TSFM: variants seen among roughly 807,000 people sequenced by gnomAD.
TSFM encodes the protein elongation factor Ts, mitochondrial.
A neutral mutation model predicts 33.4 loss-of-function variants in TSFM; 29 were observed. The ratio of observed to expected loss-of-function variants is 0.87; its 90% CI spans 0.65 to 1.18. The LOEUF is 1.18. Among genes scored for constraint, TSFM ranks in the 50% most tolerant of loss-of-function variants. TSFM has a pLI of 0.00. For missense variants in TSFM, 394 were observed against 395.6 expected, an observed-to-expected ratio of 1.00 and a Z score of 0.04; for synonymous variants, 178 against 163.5, an observed-to-expected ratio of 1.09 and a Z score of -0.68.
downstream of TSFM, chr12:57,799,805 G>A: frequency 6.2e-7 from 1 of 1,613,816 alleles, no homozygotes; most frequent in Non-Finnish European, 8.5e-7. Flanking sequence ...CTCCTTTTTG[G>A]CAGGGTTTAC....
chr12:57,783,416 C>A, intron 2 of TSFM, 133 bp downstream of exon 2: 3 of 1,154,708 alleles, frequency 2.6e-6, no homozygotes, highest in Non-Finnish European at 3.9e-6. Context: ...GGAAATCTGG[C>A]TTAAATGACA....
At position 57,782,811 on chromosome 12, in the gene TSFM, C is replaced by CTGCGGTCGCTGCGCGTGTT; in HGVS notation, c.12_30dup (p.Leu11AlafsTer120). 6.3e-7 allele frequency: 1 copy of CTGCGGTCGCTGCGCGTGTT among 1,591,824 alleles called. No individual in the cohort carries two copies. Among genetic ancestry groups the CTGCGGTCGCTGCGCGTGTT allele is most frequent in the Non-Finnish European group, 8.5e-7 (1 of 1,170,078 alleles). On this transcript the variant is annotated frameshift_variant, in exon 1 of 6. Transcript: ENST00000652027. LOFTEE classifies it high-confidence loss of function. ...TATCGCGGCTAGAGAGATGTCGCTG[C>CTGCGGTCGCTGCGCGTGTT]TGCGGTCGCTGCGCGTGTTTCTGGT... is the stretch of plus-strand genomic sequence containing the variant.
chr12:57,782,854 A>G lies in TSFM; in HGVS notation c.53A>G (p.Tyr18Cys), dbSNP rs548510701. ...RVFLVARTGS[Y>C]PAGSLLRQSP... Reference sequence around the variant, plus strand: ...TTTCTGGTCGCGCGGACCGGGAGCTACCCGGTGAGAAGTCCTGGTGCTGGT... The same window carrying G: ...TTTCTGGTCGCGCGGACCGGGAGCTGCCCGGTGAGAAGTCCTGGTGCTGGT... The change falls in exon 1 of 6, where the codon TAC becomes TGC. Residue 18 changes from tyrosine to cysteine, a missense_variant. Physicochemically the swap from Tyr to Cys is radical, Grantham distance 194 (BLOSUM62 -2). Around this residue, in one of 3 missense-constraint regions of TSFM, gnomAD observed 208 missense variants for 180.4 expected, o/e 1.15. Coordinates refer to ENST00000652027, the MANE Select transcript of TSFM (RefSeq NM_005726.6). 2 of 1,593,068 alleles carry G rather than the reference A, an allele frequency of 1.3e-6. No homozygotes were observed. Among genetic ancestry groups the G allele is most frequent in the Non-Finnish European group, 1.7e-6 (2 of 1,170,634 alleles).
downstream of TSFM, chr12:57,797,969 C>T (rs1215106234): frequency 3.1e-6 from 5 of 1,612,776 alleles, no homozygotes. Flanking sequence ...CAAACACAGA[C>T]ACAAAGTCCT....
chr12:57,788,009 C>T (rs1565821910), intron 4 of TSFM, among the ~76,000 whole-genome samples: 1 of 152,138 alleles, frequency 6.6e-6, no homozygotes, highest in Non-Finnish European at 1.5e-5. Flanking sequence ...GGAATTATGT[C>T]ATTCTGCCTT....
At position 57,782,807 on chromosome 12, in the gene TSFM, G is replaced by T; in HGVS notation, c.6G>T (p.Ser2=). Residue 2 remains serine, a synonymous_variant, in exon 1 of 6, where the codon TCG becomes TCT. Coordinates refer to ENST00000652027, the MANE Select transcript of TSFM (RefSeq NM_005726.6). M[S]LLRSLRVFLV... is the part of the protein sequence containing the mutation. ...TGTTTATCGCGGCTAGAGAGATGTC[G>T]CTGCTGCGGTCGCTGCGCGTGTTTC... The T allele has an allele frequency of 1.3e-6, 2 of 1,591,498 alleles. No homozygotes were observed. The highest frequency in any genetic ancestry group is 1.7e-6 in the Non-Finnish European group (2 of 1,169,854).
chr12:57,797,137 A>G lies in TSFM; in HGVS notation c.*554A>G, dbSNP rs144070678. On this transcript the variant is annotated 3_prime_UTR_variant, in exon 6 of 6. Transcript: ENST00000652027. ...GTTCTGGCCTCATTTAATGAAATTA[A>G]TAACACATGCCCCTATTTCTCTTTT... The G allele has an allele frequency of 3.1e-5, 31 of 985,446 alleles. No individual in the cohort carries two copies. In the East Asian group the frequency reaches 1.7e-3, roughly 54 times the overall value. 61.0% of individuals were successfully genotyped at this position (985,446 alleles called of 1,614,324 possible). A position where few individuals can be genotyped will look rare whatever the true frequency, so the allele number is the denominator to read the frequency against.
chr12:57,791,856 A>T (rs927605352), intron 4 of TSFM: 1 of 228,314 alleles, frequency 4.4e-6, no homozygotes, highest in African/African-American at 2.3e-5. Flanking sequence ...GTTTTATTAG[A>T]TACTACAACT....
At chr12:57,792,883 C>A in intron 4 of TSFM, 103 bp from the exon 5 acceptor site, 1 of 1,182,618 alleles carries the variant, frequency 8.5e-7, no homozygotes, top group South Asian at 1.3e-5. Context: ...TGAGCCACCA[C>A]GCCTGGCCAA....
At chr12:57,799,824 G>T (rs1402667326), downstream of TSFM, 5 of 1,614,064 alleles carry the variant, frequency 3.1e-6, no homozygotes, top group Non-Finnish European at 2.5e-6. Flanking sequence ...ACATCCTCAG[G>T]CAGCTCCTGA....
chr12:57,789,628 A>C (rs1955636219), intron 4 of TSFM, among the ~76,000 whole-genome samples: 1 of 152,164 alleles, frequency 6.6e-6, no homozygotes, highest in South Asian at 2.1e-4. Context: ...GGCCTCCCAG[A>C]GTGCTGGGAT....
At chr12:57,801,306 G>C, downstream of TSFM, 1 of 984,640 alleles carries the variant, frequency 1.0e-6, no homozygotes, top group South Asian at 1.4e-5. Flanking sequence ...AAGCAAAAGA[G>C]CCAGGGAGTC....
At chr12:57,799,750 C>T (rs143081861), downstream of TSFM, 36 of 1,610,434 alleles carry the variant, frequency 2.2e-5, no homozygotes, top group Middle Eastern at 6.7e-4. Context: ...TTTTTACTCA[C>T]GGAGAGCTCC....
rs765248918 is a variant in TSFM at position 57,796,759 on chromosome 12, T to C, written c.*176T>C. 2.2e-4 allele frequency: 272 copies of C among 1,223,644 alleles called. 1 individual carries two copies. The highest frequency in any genetic ancestry group is 2.5e-4 in the Non-Finnish European group (244 of 983,362). 75.8% of individuals were successfully genotyped at this position (1,223,644 alleles called of 1,614,324 possible). A position where few individuals can be genotyped will look rare whatever the true frequency, so the allele number is the denominator to read the frequency against. Reference sequence around the variant, plus strand: ...CGTAATACTGGATTTAGCTTTTCTGTGCCTTTCAAAAACAACAGGTGGGCC... The same window carrying C: ...CGTAATACTGGATTTAGCTTTTCTGCGCCTTTCAAAAACAACAGGTGGGCC... On this transcript the variant is annotated 3_prime_UTR_variant, in exon 6 of 6. Transcript: ENST00000652027.
At chr12:57,799,888 A>G, downstream of TSFM, 4 of 1,614,222 alleles carry the variant, frequency 2.5e-6, no homozygotes, top group Non-Finnish European at 3.4e-6. Flanking sequence ...CACTGTCATT[A>G]GAATTCAGGG....
downstream of TSFM, among the ~76,000 whole-genome samples, chr12:57,799,615 A>G (rs1955805334): frequency 6.6e-6 from 1 of 152,242 alleles, no homozygotes; most frequent in African/African-American, 2.4e-5. Flanking sequence ...AGACTGATGT[A>G]GGTGGAGAGA....
At chr12:57,792,923 C>G in intron 4 of TSFM, 63 bp from the exon 5 acceptor site, 1 of 1,521,636 alleles carries the variant, frequency 6.6e-7, no homozygotes, top group African/African-American at 1.4e-5. Flanking sequence ...CTATTTTTGC[C>G]TATTCTTTTG....
intron 4 of TSFM, among the ~76,000 whole-genome samples, chr12:57,789,727 T>C (rs989061961): frequency 1.3e-5 from 2 of 152,234 alleles, no homozygotes; most frequent in African/African-American, 4.8e-5. Context: ...CTTCTCATTT[T>C]TATTTAGTGA....
At chr12:57,793,374 C>T (rs1041934094) in intron 5 of TSFM, among the ~76,000 whole-genome samples, 6 of 152,188 alleles carry the variant, frequency 3.9e-5, no homozygotes, top group Non-Finnish European at 5.9e-5. Context: ...AGGCGCCTGC[C>T]ATCACGCCTG....
Sources: allele counts gnomAD v4.1 joint callset (sites outside exome capture counted in the v4.1 genomes callset), GRCh38; gene constraint gnomAD v4.1.1; regional missense constraint gnomAD v4.1.1; transcripts MANE v1.5; gene names NCBI Gene and HGNC (gene_info 2026-07-23, HGNC 2026-07-21).